Variants in EPHA7 observed in about 807,000 individuals in gnomAD.
The protein encoded by EPHA7 is ephrin type-A receptor 7.
Under a neutral mutation model 112.6 loss-of-function variants are expected in EPHA7, and 25 were observed. The ratio of observed to expected loss-of-function variants is 0.22; its 90% CI spans 0.16 to 0.31. The LOEUF is 0.31. Ranked by LOEUF, EPHA7 falls within the 10% of genes least tolerant of loss-of-function variation. The pLI is 1.00. For missense variants in EPHA7, 962 were observed against 1,212.6 expected (o/e 0.79, Z 3.07); for synonymous variants, 437 against 406.5 (o/e 1.07, Z -0.90).
At chr6:93,360,516 G>A (rs540090312) in intron 3 of EPHA7, among the ~76,000 whole-genome samples, 1 of 152,114 alleles carries the variant, frequency 6.6e-6, no homozygotes, top group African/African-American at 2.4e-5. Context: ...AGGTTATGGG[G>A]GGACAATGGC....
chr6:93,402,148 G>A (rs1778462558), intron 3 of EPHA7, among the ~76,000 whole-genome samples: 1 of 151,854 alleles, frequency 6.6e-6, no homozygotes, highest in Non-Finnish European at 1.5e-5. Context: ...AACTAAATCA[G>A]ACACATTAGT....
At chr6:93,292,318 A>G (rs369888372) in intron 5 of EPHA7, among the ~76,000 whole-genome samples, 1 of 152,208 alleles carries the variant, frequency 6.6e-6, no homozygotes, top group East Asian at 1.9e-4. Context: ...TCATAAATAC[A>G]AAAGTATTCA....
At chr6:93,409,921 A>G (rs1778895283) in intron 3 of EPHA7, 2 of 151,640 alleles carry the variant, frequency 1.3e-5, no homozygotes, top group South Asian at 2.1e-4. Context: ...AAAAAAAAAA[A>G]AAAACACACA....
intron 3 of EPHA7, among the ~76,000 whole-genome samples, chr6:93,389,874 A>G (rs945020243): frequency 2.0e-5 from 3 of 152,038 alleles, no homozygotes; most frequent in Admixed American, 1.3e-4. Context: ...TACAGAAGGA[A>G]TAAGATACAC....
chr6:93,373,041 A>G (rs1201245009), intron 3 of EPHA7, among the ~76,000 whole-genome samples: 3 of 152,006 alleles, frequency 2.0e-5, no homozygotes, highest in African/African-American at 7.2e-5. Flanking sequence ...ACAATTGTCA[A>G]AATAGTTGTC....
intron 5 of EPHA7, among the ~76,000 whole-genome samples, chr6:93,304,075 A>G (rs1025741944): frequency 6.6e-6 from 1 of 151,978 alleles, no homozygotes; most frequent in African/African-American, 2.4e-5. Context: ...CTCTGACTAA[A>G]TCACAGGATC....
intron 5 of EPHA7, among the ~76,000 whole-genome samples, chr6:93,317,991 T>C (rs1486727747): frequency 6.6e-6 from 1 of 152,176 alleles, no homozygotes; most frequent in Non-Finnish European, 1.5e-5. Flanking sequence ...ATCTGGAAAG[T>C]CCCACCATTT....
intron 3 of EPHA7, among the ~76,000 whole-genome samples, chr6:93,395,934 A>G (rs1239103635): frequency 6.6e-6 from 1 of 151,896 alleles, no homozygotes; most frequent in African/African-American, 2.4e-5. Context: ...TGGTGCTAAC[A>G]GGTCCAGACG....
In EPHA7 at chr6:93,291,095, A is replaced by G. The variant is rs192884430; in HGVS notation, c.1325-18673T>C. Among the ~76,000 whole-genome samples, 595 of 152,300 alleles carry G rather than the reference A, an allele frequency of 3.9e-3. 2 individuals carry two copies. The highest frequency in any genetic ancestry group is 6.8e-3 in the Non-Finnish European group (461 of 68,024). On this transcript the variant is annotated intron_variant, in intron 5 of 16. Coordinates refer to ENST00000369303, the MANE Select transcript of EPHA7 (RefSeq NM_004440.4). ...AATTTTATATTTTGATAGTAATAAA[A>G]TTTGTTCAGTAGTGCGTGTCTCTGA...
At chr6:93,283,234 T>A (rs916295654) in intron 5 of EPHA7, among the ~76,000 whole-genome samples, 10 of 152,298 alleles carry the variant, frequency 6.6e-5, no homozygotes, top group African/African-American at 2.4e-4. Flanking sequence ...ATCTAGCTAA[T>A]CTAGTGGGGA....
intron 3 of EPHA7, among the ~76,000 whole-genome samples, chr6:93,360,503 A>C (rs1009259262): frequency 6.6e-6 from 1 of 152,084 alleles, no homozygotes; most frequent in Non-Finnish European, 1.5e-5. Context: ...TTACAGGGCA[A>C]GGAGGTTATG....
chr6:93,324,619 C>T (rs917246069), intron 5 of EPHA7, among the ~76,000 whole-genome samples: 25 of 151,426 alleles, frequency 1.7e-4, no homozygotes, highest in African/African-American at 5.3e-4. Context: ...TCAGTTGCCA[C>T]ACTCTAAAAA....
At chr6:93,338,949 T>G (rs866451588) in intron 5 of EPHA7, among the ~76,000 whole-genome samples, 55 of 149,676 alleles carry the variant, frequency 3.7e-4, no homozygotes, top group Admixed American at 8.7e-4. Flanking sequence ...TACAGAGAGA[T>G]AATCAAATTT....
At chr6:93,312,618 G>A (rs1385020772) in intron 5 of EPHA7, among the ~76,000 whole-genome samples, 3 of 152,158 alleles carry the variant, frequency 2.0e-5, no homozygotes, top group African/African-American at 7.2e-5. Context: ...CTTATCATTC[G>A]TGTATTCACT....
intron 5 of EPHA7, among the ~76,000 whole-genome samples, chr6:93,320,137 A>G (rs1012269427): frequency 8.6e-5 from 13 of 152,022 alleles, no homozygotes; most frequent in Admixed American, 7.9e-4. Flanking sequence ...AGGAGGAGAA[A>G]TCACTGATCC....
intron 4 of EPHA7, among the ~76,000 whole-genome samples, chr6:93,357,599 A>T (rs1776015917): frequency 6.6e-6 from 1 of 151,948 alleles, no homozygotes; most frequent in Non-Finnish European, 1.5e-5. Context: ...ATGGAATTTT[A>T]ATTCAGAAAC....
intron 5 of EPHA7, among the ~76,000 whole-genome samples, chr6:93,348,768 C>A (rs1775536120): frequency 6.6e-6 from 1 of 151,786 alleles, no homozygotes; most frequent in African/African-American, 2.4e-5. Flanking sequence ...AAGAAATTTT[C>A]TTTGCATATT....
At chr6:93,293,371 T>A (rs890468667) in intron 5 of EPHA7, among the ~76,000 whole-genome samples, 1 of 152,128 alleles carries the variant, frequency 6.6e-6, no homozygotes, top group Non-Finnish European at 1.5e-5. Flanking sequence ...GGTTTTAAAG[T>A]AAAAATATTT....
rs1397634780 is a variant in EPHA7, at chr6:93,365,819, A to G, written c.833-7408T>C. On this transcript the variant is annotated intron_variant, in intron 3 of 16. Coordinates refer to ENST00000369303, the MANE Select transcript of EPHA7 (RefSeq NM_004440.4). Reference sequence around the variant, plus strand: ...TTAAGTGCTCGATGATAACATGGGGATTTTTAAAACTAACAAGAAAAACTC... The same window carrying G: ...TTAAGTGCTCGATGATAACATGGGGGTTTTTAAAACTAACAAGAAAAACTC... Among the ~76,000 whole-genome samples the G allele has an allele frequency of 2.6e-5, 4 of 152,300 alleles. No individual in the cohort carries two copies. In the South Asian group the frequency reaches 6.2e-4, roughly 24 times the overall value.
Sources: gnomAD v4.1 joint callset for allele counts (sites outside exome capture counted in the v4.1 genomes callset) on GRCh38, gnomAD v4.1.1 for gene constraint, MANE v1.5 for transcripts, NCBI Gene and HGNC (gene_info 2026-07-23, HGNC 2026-07-21) for gene names.